Variants in TEP1 observed in about 807,000 individuals in gnomAD.
TEP1 encodes the protein telomerase protein component 1.
In TEP1, 241 loss-of-function variants were observed where a neutral mutation model predicts 306.3. The observed-to-expected ratio is 0.79, with a 90% CI of 0.71 to 0.88. The LOEUF (loss-of-function observed/expected upper bound fraction) is 0.88, where lower values mean the gene tolerates loss of function less well. Ranked by LOEUF, TEP1 falls within the 40% of genes least tolerant of loss-of-function variation. The pLI, the probability that TEP1 is intolerant of heterozygous loss-of-function variation, is 0.00. For missense variants in TEP1, 3,051 were observed against 3,276.1 expected, an observed-to-expected ratio of 0.93 and a Z score of 1.68; for synonymous variants, 1,289 against 1,305.5, an observed-to-expected ratio of 0.99 and a Z score of 0.27.
chr14:20,389,191 A>T (rs1414166584), intron 17 of TEP1, 47 bp downstream of exon 17: 8 of 1,580,900 alleles, frequency 5.1e-6, no homozygotes, highest in Non-Finnish European at 6.9e-6. Flanking sequence ...TCTCCTAAAA[A>T]CTTTCCAACA....
At position 20,377,344 on chromosome 14, in the gene TEP1, C is replaced by CAGGAGCCA. The variant is rs1204346698; in HGVS notation, c.6016_6023dup (p.Ser2009GlyfsTer11). 6.8e-6 allele frequency: 11 copies of CAGGAGCCA among 1,614,044 alleles called. No homozygotes were observed. The highest frequency in any genetic ancestry group is 8.5e-6 in the Non-Finnish European group (10 of 1,180,020). On this transcript the variant is annotated frameshift_variant, in exon 41 of 55. Transcript: ENST00000262715. LOFTEE classifies it high-confidence loss of function. ...CTAGCACAGGCTTCTGGAATCTGGA[C>CAGGAGCCA]AGGAGCCAGAGGGACTGAAGGGAGC...
rs1487137598 is a variant in TEP1, at chr14:20,406,294, A to C, written c.674T>G (p.Leu225Arg). The C allele has an allele frequency of 6.2e-7, 1 of 1,613,968 alleles. No individual in the cohort carries two copies. Among genetic ancestry groups the C allele is most frequent in the Admixed American group, 1.7e-5 (1 of 59,992 alleles). Residue 225 changes from leucine to arginine, a missense_variant, in exon 3 of 55, where the codon CTC (leucine) becomes CGC (arginine). Around this residue, in one of 3 missense-constraint regions of TEP1, gnomAD observed 1,507 missense variants for 1,550.5 expected, o/e 0.97. Transcript: ENST00000262715. The part of the protein sequence containing the change: ...EEEVEDLAVK[L>R]TSGDSESHPE... Reference sequence around the variant, plus strand: ...ATGAGATTCAGAGTCTCCAGAGGTGAGCTTCACGGCCAGATCCTCCACCTC... The same window carrying C: ...ATGAGATTCAGAGTCTCCAGAGGTGCGCTTCACGGCCAGATCCTCCACCTC...
intron 9 of TEP1, among the ~76,000 whole-genome samples, chr14:20,399,361 A>T (rs979362120): frequency 6.6e-6 from 1 of 152,182 alleles, no homozygotes; most frequent in Non-Finnish European, 1.5e-5. Context: ...CATACTGGTG[A>T]TATTAGAAAA....
intron 41 of TEP1, among the ~76,000 whole-genome samples, chr14:20,376,880 T>C (rs1456280509): frequency 1.3e-5 from 2 of 152,226 alleles, no homozygotes; most frequent in Non-Finnish European, 2.9e-5. Context: ...CATACACATA[T>C]ACATACAACT....
intron 16 of TEP1, 136 bp from the exon 17 acceptor site, chr14:20,389,433 A>G: frequency 7.1e-7 from 1 of 1,416,180 alleles, no homozygotes; most frequent in Non-Finnish European, 9.9e-7. Context: ...GCTAGGGTGG[A>G]CTCTCACAGA....
At chr14:20,394,939 T>C (rs1878064764) in intron 12 of TEP1, among the ~76,000 whole-genome samples, 1 of 152,160 alleles carries the variant, frequency 6.6e-6, no homozygotes. Context: ...AAAAGACAGC[T>C]GAGACTTCAT....
intron 49 of TEP1, among the ~76,000 whole-genome samples, chr14:20,372,353 C>T (rs1884887404): frequency 6.7e-6 from 1 of 148,422 alleles, no homozygotes; most frequent in Non-Finnish European, 1.5e-5. Context: ...ATTTTGAAGC[C>T]CCAGGAATAT....
intron 9 of TEP1, among the ~76,000 whole-genome samples, chr14:20,400,175 T>C (rs1878555470): frequency 7.0e-6 from 1 of 142,644 alleles, no homozygotes; most frequent in African/African-American, 2.5e-5. Flanking sequence ...ATTATCTACA[T>C]ATACCGGCTT....
intron 15 of TEP1, 87 bp from the exon 16 acceptor site, chr14:20,389,827 A>C (rs1320829010): frequency 6.5e-7 from 1 of 1,544,512 alleles, no homozygotes; most frequent in African/African-American, 1.4e-5. Context: ...GGACAGGAGG[A>C]TTAGGAGAAC....
At position 20,402,732 on chromosome 14, in the gene TEP1, C is replaced by T. The variant is rs369496178; in HGVS notation, c.1266+645G>A. Among the ~76,000 whole-genome samples the T allele has an allele frequency of 1.5e-4, 23 of 152,260 alleles. No individual in the cohort carries two copies. In the East Asian group the frequency reaches 2.3e-3, roughly 15 times the overall value. ...CCAGATTCTATGCTCTTAAATGCTA[C>T]GTACAATACCTTATTTGTCCAAAAG... On this transcript the variant is annotated intron_variant, in intron 7 of 54. Coordinates refer to ENST00000262715, the MANE Select transcript of TEP1 (RefSeq NM_007110.5).
rs898628984 is a variant in TEP1 at position 20,413,459 on chromosome 14, G to A, written c.-79C>T. 2 of 152,372 alleles carry A rather than the reference G, an allele frequency of 1.3e-5. No homozygotes were observed. The highest frequency in any genetic ancestry group is 2.4e-5 in the African/African-American group (1 of 41,426). 9.4% of individuals were successfully genotyped at this position (152,372 alleles called of 1,614,324 possible). On this transcript the variant is annotated 5_prime_UTR_variant, in exon 1 of 55. Coordinates refer to ENST00000262715, the MANE Select transcript of TEP1 (RefSeq NM_007110.5). ...CAGAAACTTCGCTCTGGATTCTGCC[G>A]GTGGGAAGGGTGGCAGCCGGGGGAG...
At position 20,409,375 on chromosome 14, in the gene TEP1, GGA is replaced by G. The variant is rs1440609052; in HGVS notation, c.-24-914_-24-913del. Among the ~76,000 whole-genome samples, 11 of 152,058 alleles carry G rather than the reference GGA, an allele frequency of 7.2e-5. No individual in the cohort carries two copies. The East Asian group carries it at 2.1e-3, about 29-fold the overall frequency. ...TTCTAATCCTTTTACATACTTTCCT[GGA>G]GTGGTCTCACCCACTATGTGGCTCC... On this transcript the variant is annotated intron_variant, in intron 1 of 54. Coordinates refer to ENST00000262715, the MANE Select transcript of TEP1 (RefSeq NM_007110.5).
rs200755079 is a variant in TEP1 at position 20,406,344 on chromosome 14, A to G, written c.624T>C (p.Tyr208=). The G allele has an allele frequency of 8.1e-5, 131 of 1,614,052 alleles. No homozygotes were observed. The highest frequency in any genetic ancestry group is 1.1e-4 in the Non-Finnish European group (131 of 1,180,044). The change falls in exon 3 of 55, where the codon TAT becomes TAC. Residue 208 remains tyrosine (Y), a synonymous_variant. Transcript: ENST00000262715. ...CCTCCTCCTCTCCCAAGCTCAGACTATAAGAAGGCATTTGGGTCTCTGCCC... is the reference window on the plus strand; with the variant it reads ...CCTCCTCCTCTCCCAAGCTCAGACTGTAAGAAGGCATTTGGGTCTCTGCCC... ...KKGAETQMPS[Y]SLSLGEEEEV... is the part of the protein sequence containing the mutation.
At chr14:20,395,407 G>C in intron 12 of TEP1, 43 bp downstream of exon 12, 1 of 1,523,152 alleles carries the variant, frequency 6.6e-7, no homozygotes, top group Non-Finnish European at 8.9e-7. Flanking sequence ...TGCCAGGGTA[G>C]CCCCGATTGC....
chr14:20,399,436 A>C (rs189317786), intron 9 of TEP1, among the ~76,000 whole-genome samples: 1 of 152,254 alleles, frequency 6.6e-6, no homozygotes, highest in African/African-American at 2.4e-5. Flanking sequence ...AATGTTAATG[A>C]GTTATTAATG....
Position 20,378,458 on chromosome 14 carries a change from T to C in TEP1, c.5430A>G (p.Pro1810=). ...PKSLNCVAFH[P]EGQVIATGSW... ...TGCCTGTGGCTATTACCTGCCCCTC[T>C]GGGTGGAAGGCAACACAGTTCAGGG... Residue 1810 remains proline (P), a synonymous_variant, in exon 38 of 55, where the codon CCA becomes CCG. Transcript: ENST00000262715. The C allele has an allele frequency of 6.2e-7, 1 of 1,614,222 alleles. No homozygotes were observed. Among genetic ancestry groups the C allele is most frequent in the Non-Finnish European group, 8.5e-7 (1 of 1,180,038 alleles).
intron 43 of TEP1, among the ~76,000 whole-genome samples, chr14:20,374,967 T>C (rs979044523): frequency 6.6e-6 from 1 of 151,868 alleles, no homozygotes; most frequent in Admixed American, 6.6e-5. Flanking sequence ...GGCAGGTGCC[T>C]ATAATCTCAG....
intron 18 of TEP1, among the ~76,000 whole-genome samples, chr14:20,386,831 CCT>C (rs1877208527): frequency 6.6e-6 from 1 of 152,174 alleles, no homozygotes; most frequent in Admixed American, 6.5e-5. Context: ...TTCTTGTACA[CCT>C]CTCTTTTTTC....
Position 20,381,017 on chromosome 14 carries a change from G to A in TEP1, c.4676C>T (p.Ser1559Leu), listed in dbSNP as rs1286514370. 1.9e-6 allele frequency: 3 copies of A among 1,613,986 alleles called. No individual in the cohort carries two copies. Among genetic ancestry groups the A allele is most frequent in the African/African-American group, 2.7e-5 (2 of 74,918 alleles). The change falls in exon 33 of 55, where the codon TCG becomes TTG. Residue 1559 changes from serine (S) to leucine (L), a missense_variant. By Grantham distance (145) the Ser-to-Leu change is moderately radical. Around this residue, in one of 3 missense-constraint regions of TEP1, gnomAD observed 1,540 missense variants for 1,705.9 expected, o/e 0.90. Transcript: ENST00000262715. This position sits in a 1 kb window ranked among gnomAD's most constrained non-coding sequence, Gnocchi z 4.0. Reference sequence around the variant, plus strand: ...CACATGGAGGTTGGTAAGGAACTTCGAAAGAAGTCCACGGTTCCCGCTCTG... The same window carrying A: ...CACATGGAGGTTGGTAAGGAACTTCAAAAGAAGTCCACGGTTCCCGCTCTG... Reference protein sequence around the residue: ...LLQSGNRGLLSKFLTNLHVVA... With the variant: ...LLQSGNRGLLLKFLTNLHVVA...
Sources: allele counts gnomAD v4.1 joint callset (sites outside exome capture counted in the v4.1 genomes callset), GRCh38; gene constraint gnomAD v4.1.1; regional missense constraint gnomAD v4.1.1; non-coding constraint Gnocchi (gnomAD v3.1); transcripts MANE v1.5; gene names NCBI Gene and HGNC (gene_info 2026-07-23, HGNC 2026-07-21).